Variants in SAMSN1 observed in about 807,000 individuals in gnomAD.
The protein encoded by SAMSN1 is SAM domain, SH3 domain and nuclear localization signals 1.
SAMSN1 carries 31 observed loss-of-function variants against 42.0 expected under a neutral mutation model. The ratio of observed to expected loss-of-function variants is 0.74; its 90% CI spans 0.55 to 1.00. The LOEUF is 1.00. SAMSN1 is among the 50% of genes least tolerant of loss of function. SAMSN1 has a pLI of 0.00. For missense variants in SAMSN1, 464 were observed against 439.4 expected, an observed-to-expected ratio of 1.06 and a Z score of -0.50; for synonymous variants, 178 against 151.9, an observed-to-expected ratio of 1.17 and a Z score of -1.26.
chr21:14,516,570 T>G (rs1159065614), intron 3 of SAMSN1, among the ~76,000 whole-genome samples: 1 of 152,126 alleles, frequency 6.6e-6, no homozygotes, highest in Non-Finnish European at 1.5e-5. Context: ...TTTTGTATTT[T>G]TAGTAGAGAC....
intron 6 of SAMSN1, among the ~76,000 whole-genome samples, chr21:14,499,583 A>G (rs371350328): frequency 7.2e-5 from 11 of 152,168 alleles, no homozygotes; most frequent in African/African-American, 2.4e-4. Flanking sequence ...AATAAAGAAC[A>G]CAAAATTTCC....
At chr21:14,526,924 T>C (rs747978243) in intron 1 of SAMSN1, among the ~76,000 whole-genome samples, 1 of 152,232 alleles carries the variant, frequency 6.6e-6, no homozygotes, top group Non-Finnish European at 1.5e-5. Context: ...ATTTTCTTTC[T>C]TAGCCAACCA....
intron 1 of SAMSN1, among the ~76,000 whole-genome samples, chr21:14,651,638 C>T (rs1254613342): frequency 1.3e-5 from 2 of 151,794 alleles, no homozygotes; most frequent in Non-Finnish European, 2.9e-5. Flanking sequence ...TAACCTGGCT[C>T]ACCAGTGTTA....
chr21:14,554,119 T>C (rs548832870), intron 2 of SAMSN1, among the ~76,000 whole-genome samples: 6 of 152,182 alleles, frequency 3.9e-5, no homozygotes, highest in Non-Finnish European at 8.8e-5. Flanking sequence ...TATTTTACTT[T>C]AGCTAGATTT....
chr21:14,610,621 G>T (rs904922143), intron 4 of SAMSN1, among the ~76,000 whole-genome samples: 2 of 152,158 alleles, frequency 1.3e-5, no homozygotes, highest in Admixed American at 6.5e-5. Flanking sequence ...ACCTGCTGAC[G>T]TGTGATGTCT....
chr21:14,636,040 T>G (rs1983459966), intron 2 of SAMSN1, among the ~76,000 whole-genome samples: 1 of 152,106 alleles, frequency 6.6e-6, no homozygotes, highest in African/African-American at 2.4e-5. Context: ...AATTCCCACC[T>G]ATGAGTGAGA....
upstream of SAMSN1, among the ~76,000 whole-genome samples, chr21:14,587,016 A>G (rs1030960141): frequency 2.0e-5 from 3 of 152,196 alleles, no homozygotes; most frequent in Admixed American, 6.5e-5. Flanking sequence ...TCCTTCCAGG[A>G]AGCTTCTGTA....
At chr21:14,592,022 C>A (rs992210661) in intron 7 of SAMSN1, 2 of 152,142 alleles carry the variant, frequency 1.3e-5, no homozygotes, top group African/African-American at 4.8e-5. Flanking sequence ...AGCTTTGGGT[C>A]AGTCTTTGAA....
chr21:14,594,691 T>C (rs1010977846), intron 6 of SAMSN1: 8 of 152,202 alleles, frequency 5.3e-5, no homozygotes, highest in African/African-American at 1.9e-4. Flanking sequence ...AATTTCTACC[T>C]AGGGCACTTC....
chr21:14,629,647 G>C lies in SAMSN1; in HGVS notation c.156+13355C>G, dbSNP rs145365679. Among the ~76,000 whole-genome samples, 627 of 152,232 alleles carry C rather than the reference G, an allele frequency of 4.1e-3. 3 individuals carry two copies. Among genetic ancestry groups the C allele is most frequent in the African/African-American group, 0.013 (551 of 41,528 alleles). ...CACACAGCCTCTCATCGCAGGGCAG[G>C]TCCTGTAGCTTATAGCGCCTGGAGA... On this transcript the variant is annotated intron_variant, in intron 2 of 15. Transcript: ENST00000647101.
rs201912569 is a variant in SAMSN1 at position 14,572,160 on chromosome 21, T to A, written c.261+9976A>T. Among the ~76,000 whole-genome samples, 5 of 152,160 alleles carry A rather than the reference T, an allele frequency of 3.3e-5. No homozygotes were observed. The East Asian group carries it at 9.6e-4, about 29-fold the overall frequency. ...ATTAGAAACATATAATAATAAATTA[T>A]AATTAAATGATAAAAATTTCCCTTG... On this transcript the variant is annotated intron_variant, in intron 2 of 8. Transcript: ENST00000285670.
At chr21:14,590,672 T>C (rs1600949179) in intron 7 of SAMSN1, among the ~76,000 whole-genome samples, 1 of 152,320 alleles carries the variant, frequency 6.6e-6, no homozygotes, top group South Asian at 2.1e-4. Flanking sequence ...TATTCAATTT[T>C]TTCTACTGGT....
At chr21:14,575,389 A>C (rs547672192) in intron 2 of SAMSN1, among the ~76,000 whole-genome samples, 1 of 152,258 alleles carries the variant, frequency 6.6e-6, no homozygotes, top group African/African-American at 2.4e-5. Context: ...GTGAGTATAG[A>C]TATGTTTTGG....
At chr21:14,567,166 G>A (rs145323457) in intron 2 of SAMSN1, among the ~76,000 whole-genome samples, 7 of 152,048 alleles carry the variant, frequency 4.6e-5, no homozygotes, top group East Asian at 1.9e-4. Context: ...TAAAACATCT[G>A]TACCAGGGCG....
At chr21:14,613,939 A>T (rs1736205065) in intron 3 of SAMSN1, among the ~76,000 whole-genome samples, 1 of 152,118 alleles carries the variant, frequency 6.6e-6, no homozygotes, top group South Asian at 2.1e-4. Flanking sequence ...ACAAGGATTC[A>T]ATCAGCAAAA....
At chr21:14,501,577 T>C (rs78953363) in intron 5 of SAMSN1, among the ~76,000 whole-genome samples, 3 of 152,130 alleles carry the variant, frequency 2.0e-5, no homozygotes, top group East Asian at 1.9e-4. Flanking sequence ...GGGAAGGAGA[T>C]GAAAGAGAAG....
At chr21:14,510,207 G>A (rs1987622373) in intron 5 of SAMSN1, 103 bp downstream of exon 5, 1 of 1,105,282 alleles carries the variant, frequency 9.0e-7, no homozygotes, top group South Asian at 1.4e-5. Context: ...CTGTTGGGAA[G>A]AACACACTCA....
chr21:14,599,222 T>C (rs2123294116), intron 6 of SAMSN1, among the ~76,000 whole-genome samples: 1 of 152,286 alleles, frequency 6.6e-6, no homozygotes, highest in South Asian at 2.1e-4. Context: ...ATCCCCATAA[T>C]TCCCACGTGT....
At chr21:14,523,742 G>A (rs956643124) in intron 1 of SAMSN1, among the ~76,000 whole-genome samples, 5 of 152,146 alleles carry the variant, frequency 3.3e-5, no homozygotes, top group Admixed American at 6.6e-5. Context: ...TCCACAATGG[G>A]ATAATGGGTC....
Sources: allele counts gnomAD v4.1 joint callset (sites outside exome capture counted in the v4.1 genomes callset), GRCh38; gene constraint gnomAD v4.1.1; transcripts MANE v1.5; gene names NCBI Gene and HGNC (gene_info 2026-07-23, HGNC 2026-07-21).